The following MAD1L1 variants were observed in gnomAD, a reference collection of about 807,000 sequenced individuals.
The protein encoded by MAD1L1 is mitotic arrest deficient 1 like 1.
A neutral mutation model predicts 96.9 loss-of-function variants in MAD1L1; 95 were observed. That is an observed-to-expected ratio of 0.98 (90% CI 0.83 to 1.16). The LOEUF (loss-of-function observed/expected upper bound fraction) is 1.16, where lower values mean the gene tolerates loss of function less well. Among genes scored for constraint, MAD1L1 ranks in the 50% most tolerant of loss-of-function variants. The pLI, the probability that MAD1L1 is intolerant of heterozygous loss-of-function variation, is 0.00. For missense variants in MAD1L1, 1,007 were observed against 954.4 expected, an observed-to-expected ratio of 1.06 and a Z score of -0.73; for synonymous variants, 473 against 396.6, an observed-to-expected ratio of 1.19 and a Z score of -2.29.
At chr7:2,077,912 C>A (rs1216670580) in intron 11 of MAD1L1, among the ~76,000 whole-genome samples, 1 of 152,196 alleles carries the variant, frequency 6.6e-6, no homozygotes, top group Non-Finnish European at 1.5e-5. Context: ...CTCGCAGCAG[C>A]CTGGATCTAG....
Position 1,852,407 on chromosome 7 carries a change from C to T in MAD1L1, c.1999-36179G>A, listed in dbSNP as rs922954768. On this transcript the variant is annotated intron_variant, in intron 18 of 18. Coordinates refer to ENST00000265854, the MANE Select transcript of MAD1L1 (RefSeq NM_001013836.2). ...AGCCCCAGGAGCTACCACTGCCCCT[C>T]CAAGGGTCCCCCTCAATGGACCTTG... Among the ~76,000 whole-genome samples, 26 of 152,148 alleles carry T rather than the reference C, an allele frequency of 1.7e-4. 1 individual carries two copies. The highest frequency in any genetic ancestry group is 1.5e-4 in the Non-Finnish European group (10 of 67,994).
chr7:1,938,887 C>A (rs1226543293), intron 16 of MAD1L1, among the ~76,000 whole-genome samples: 4 of 107,652 alleles, frequency 3.7e-5, no homozygotes, highest in African/African-American at 1.5e-4. Context: ...CAGTCCAGGG[C>A]CGGGGCCAGA....
chr7:2,214,712 G>A (rs1365563822), intron 9 of MAD1L1, among the ~76,000 whole-genome samples: 2 of 152,240 alleles, frequency 1.3e-5, no homozygotes, highest in African/African-American at 2.4e-5. Context: ...CCGGGCAAGA[G>A]AGGGAGCTTC....
At chr7:1,956,710 C>T (rs1779743806) in intron 16 of MAD1L1, among the ~76,000 whole-genome samples, 1 of 152,270 alleles carries the variant, frequency 6.6e-6, no homozygotes, top group Non-Finnish European at 1.5e-5. Flanking sequence ...GAGTGCTCCG[C>T]TAGTGAGCTC....
chr7:1,985,613 C>T lies in MAD1L1; in HGVS notation c.1417-5072G>A, dbSNP rs370405915. Among the ~76,000 whole-genome samples the T allele has an allele frequency of 1.1e-4, 16 of 152,372 alleles. 1 individual carries two copies. Among genetic ancestry groups the T allele is most frequent in the African/African-American group, 3.6e-4 (15 of 41,590 alleles). ...AGCCGCCATCCTCATGTTCTCTCCT[C>T]CCTCTGCCATCCTGACACTTCTTTT... On this transcript the variant is annotated intron_variant, in intron 14 of 18. Coordinates refer to ENST00000265854, the MANE Select transcript of MAD1L1 (RefSeq NM_001013836.2).
At chr7:2,122,948 G>T (rs957096435) in intron 11 of MAD1L1, among the ~76,000 whole-genome samples, 6 of 152,246 alleles carry the variant, frequency 3.9e-5, no homozygotes, top group Non-Finnish European at 8.8e-5. Flanking sequence ...CCCTGGTAGA[G>T]AAGTGTATTA....
In MAD1L1 at chr7:2,103,919, G is replaced by A. The variant is rs1019446503; in HGVS notation, c.1074-34581C>T. ...GCCACGCCATACAACACTCCACCCC[G>A]CTGGACGTCGGAGAAAGAGGCCCCC... On this transcript the variant is annotated intron_variant, in intron 11 of 18. Coordinates refer to ENST00000265854, the MANE Select transcript of MAD1L1 (RefSeq NM_001013836.2). The surrounding 1 kb of genome is among the most constrained non-coding windows in gnomAD (Gnocchi z 4.3). Among the ~76,000 whole-genome samples, 3 of 152,200 alleles carry A rather than the reference G, an allele frequency of 2.0e-5. No individual in the cohort carries two copies. Among genetic ancestry groups the A allele is most frequent in the Non-Finnish European group, 2.9e-5 (2 of 68,030 alleles).
intron 18 of MAD1L1, among the ~76,000 whole-genome samples, chr7:1,818,720 C>A (rs1781961616): frequency 6.6e-6 from 1 of 152,086 alleles, no homozygotes; most frequent in Non-Finnish European, 1.5e-5. Context: ...GAAACAGGTG[C>A]ACCCCGCCAG....
chr7:2,027,941 A>G (rs1783056157), intron 12 of MAD1L1, among the ~76,000 whole-genome samples: 1 of 152,242 alleles, frequency 6.6e-6, no homozygotes, highest in Non-Finnish European at 1.5e-5. Context: ...TGAACATAGA[A>G]AAGTCAATAT....
intron 17 of MAD1L1, among the ~76,000 whole-genome samples, chr7:1,921,444 T>C (rs1376291739): frequency 6.6e-6 from 1 of 152,048 alleles, no homozygotes; most frequent in Non-Finnish European, 1.5e-5. Flanking sequence ...TCAGCATCTA[T>C]AGTACCTGTA....
intron 14 of MAD1L1, among the ~76,000 whole-genome samples, chr7:1,999,407 C>G (rs574589871): frequency 1.1e-4 from 16 of 152,348 alleles, no homozygotes; most frequent in Admixed American, 8.5e-4. Context: ...CTCCGCCTCC[C>G]TCCCTCCACT....
intron 18 of MAD1L1, among the ~76,000 whole-genome samples, chr7:1,863,628 C>A (rs1784636794): frequency 6.6e-6 from 1 of 152,336 alleles, no homozygotes; most frequent in South Asian, 2.1e-4. Context: ...TGCCCACACC[C>A]CACGCGCTGG....
At chr7:2,130,460 G>A (rs750264392) in intron 11 of MAD1L1, among the ~76,000 whole-genome samples, 6 of 152,164 alleles carry the variant, frequency 3.9e-5, no homozygotes, top group South Asian at 2.1e-4. Flanking sequence ...AACTCTCTAC[G>A]TCGTCTGCGG....
At chr7:2,047,774 C>A (rs1783990526) in intron 12 of MAD1L1, among the ~76,000 whole-genome samples, 1 of 152,092 alleles carries the variant, frequency 6.6e-6, no homozygotes, top group African/African-American at 2.4e-5. Flanking sequence ...CAGAGAGCTG[C>A]CTCTGCAGAC....
At chr7:1,837,255 C>T (rs1268784826) in intron 18 of MAD1L1, among the ~76,000 whole-genome samples, 3 of 152,154 alleles carry the variant, frequency 2.0e-5, no homozygotes, top group Admixed American at 6.5e-5. Context: ...CGCAATGAGA[C>T]GCCGTCAGTC....
intron 12 of MAD1L1, among the ~76,000 whole-genome samples, chr7:2,019,547 CA>C (rs946956699): frequency 4.8e-4 from 73 of 152,314 alleles, no homozygotes; most frequent in African/African-American, 1.7e-3. Context: ...AAAGGTGCAC[CA>C]GGATTAATAA....
At chr7:1,902,787 T>C (rs1787330553) in intron 17 of MAD1L1, among the ~76,000 whole-genome samples, 1 of 152,146 alleles carries the variant, frequency 6.6e-6, no homozygotes, top group African/African-American at 2.4e-5. Context: ...AAGACGATCT[T>C]GCGGAACTCA....
In MAD1L1 at chr7:2,134,170, G is replaced by A. The variant is rs186612978; in HGVS notation, c.1073+14982C>T. ...ATAGAATGCCGCTGCATTGATTTAC[G>A]GCTTTGATTTCTTTCATCAGGTCTG... On this transcript the variant is annotated intron_variant, in intron 11 of 18. Transcript: ENST00000265854. Among the ~76,000 whole-genome samples the A allele has an allele frequency of 6.6e-5, 10 of 152,224 alleles. 2 individuals carry two copies. The highest frequency in any genetic ancestry group is 2.6e-4 in the Admixed American group (4 of 15,294).
intron 18 of MAD1L1, among the ~76,000 whole-genome samples, chr7:1,832,148 G>A (rs1782732126): frequency 6.6e-6 from 1 of 152,206 alleles, no homozygotes; most frequent in South Asian, 2.1e-4. Context: ...AAGAACATCA[G>A]TGATTTATGA....
Sources: gnomAD v4.1 joint callset for allele counts (sites outside exome capture counted in the v4.1 genomes callset) on GRCh38, gnomAD v4.1.1 for gene constraint, Gnocchi (gnomAD v3.1) non-coding constraint, MANE v1.5 for transcripts, NCBI Gene and HGNC (gene_info 2026-07-23, HGNC 2026-07-21) for gene names.